Variants in CACNA1E observed in about 807,000 individuals in gnomAD.
The protein encoded by CACNA1E is voltage-dependent R-type calcium channel subunit alpha-1E.
CACNA1E carries 40 observed loss-of-function variants against 259.2 expected under a neutral mutation model. The ratio of observed to expected loss-of-function variants is 0.15; its 90% CI spans 0.12 to 0.20. The LOEUF (loss-of-function observed/expected upper bound fraction) is 0.20. CACNA1E is among the 10% of genes least tolerant of loss of function. CACNA1E has a pLI of 1.00. For synonymous variants in CACNA1E, 1,104 were observed against 1,138.5 expected (o/e 0.97, Z 0.61); for missense variants, 1,874 against 3,040.1 (o/e 0.62, Z 9.02).
chr1:181,354,058 C>A (rs192537919), intron 1 of CACNA1E, among the ~76,000 whole-genome samples: 3 of 151,830 alleles, frequency 2.0e-5, no homozygotes, highest in Non-Finnish European at 4.4e-5. Context: ...CTGGGACACA[C>A]AAATTGGAAT....
At chr1:181,574,888 G>C (rs1358349973) in intron 3 of CACNA1E, among the ~76,000 whole-genome samples, 1 of 152,090 alleles carries the variant, frequency 6.6e-6, no homozygotes, top group East Asian at 1.9e-4. Context: ...AGCCAGGTTT[G>C]GTGGCATATG....
upstream of CACNA1E, among the ~76,000 whole-genome samples, chr1:181,481,140 C>G (rs910494850): frequency 2.6e-5 from 4 of 152,262 alleles, no homozygotes; most frequent in Non-Finnish European, 4.4e-5. Flanking sequence ...GAAGAGGACC[C>G]TCTGATTAAA....
At chr1:181,775,360 G>A (rs766920962) in intron 37 of CACNA1E, among the ~76,000 whole-genome samples, 3 of 152,148 alleles carry the variant, frequency 2.0e-5, no homozygotes, top group South Asian at 2.1e-4. Flanking sequence ...AAGTCCTGTC[G>A]ATTCCACCTT....
rs969250381 is a variant in CACNA1E at position 181,805,027 on chromosome 1, G to A, written c.*6193G>A. 1 of 150,978 alleles carries A rather than the reference G, an allele frequency of 6.6e-6. No homozygotes were observed. Among genetic ancestry groups the A allele is most frequent in the African/African-American group, 2.4e-5 (1 of 41,046 alleles). The allele number at this position is 150,978 out of a possible 1,614,324, so 9.4% of individuals were successfully genotyped here. On this transcript the variant is annotated 3_prime_UTR_variant, in exon 48 of 48. Transcript: ENST00000367573. ...CTTCTCTTTGTGCAAACTTAAACCA[G>A]TCATAGATTGTCACCCAGACATATT...
intron 1 of CACNA1E, among the ~76,000 whole-genome samples, chr1:181,333,651 C>T (rs1303125655): frequency 6.6e-6 from 1 of 151,968 alleles, no homozygotes; most frequent in Non-Finnish European, 1.5e-5. Context: ...TTCTTCATTT[C>T]TTTTTCTTTC....
At chr1:181,401,744 G>T (rs750603674) in intron 1 of CACNA1E, among the ~76,000 whole-genome samples, 49 of 152,174 alleles carry the variant, frequency 3.2e-4, no homozygotes, top group Admixed American at 6.5e-4. Context: ...GAAACATCAG[G>T]CTAAAATGCT....
At chr1:181,759,819 A>G (rs1444319375) in intron 32 of CACNA1E, among the ~76,000 whole-genome samples, 1 of 152,182 alleles carries the variant, frequency 6.6e-6, no homozygotes, top group Non-Finnish European at 1.5e-5. Flanking sequence ...AGCAGCTTTA[A>G]CAGAGACTCT....
intron 32 of CACNA1E, among the ~76,000 whole-genome samples, chr1:181,759,388 G>GGT (rs1020524831): frequency 4.9e-5 from 6 of 122,740 alleles, no homozygotes; most frequent in South Asian, 3.3e-4. Context: ...ACCTTTAAGG[G>GGT]GTGTGTCTGT....
chr1:181,513,750 C>T (rs760224658), intron 3 of CACNA1E, among the ~76,000 whole-genome samples: 3 of 152,278 alleles, frequency 2.0e-5, no homozygotes, highest in Middle Eastern at 3.4e-3. Flanking sequence ...CTTTTGTCAG[C>T]GAAGCCAAGA....
At chr1:181,658,968 C>T (rs189053126) in intron 7 of CACNA1E, among the ~76,000 whole-genome samples, 117 of 152,018 alleles carry the variant, frequency 7.7e-4, no homozygotes, top group Non-Finnish European at 4.7e-4. Flanking sequence ...GGTTGTCTCT[C>T]ACATGCCTTT....
chr1:181,680,807 C>T (rs1053319702), intron 7 of CACNA1E, among the ~76,000 whole-genome samples: 3 of 152,162 alleles, frequency 2.0e-5, no homozygotes, highest in Non-Finnish European at 4.4e-5. Flanking sequence ...CCCTAGATTT[C>T]TCATTTCTCA....
intron 34 of CACNA1E, 75 bp downstream of exon 34, chr1:181,763,606 C>T (rs2102724221): frequency 2.5e-6 from 3 of 1,215,600 alleles, no homozygotes; most frequent in East Asian, 5.0e-5. Flanking sequence ...GGCATCATTA[C>T]CCAAGTCCCT....
At chr1:181,705,973 T>C (rs1334017125) in intron 7 of CACNA1E, among the ~76,000 whole-genome samples, 1 of 151,912 alleles carries the variant, frequency 6.6e-6, no homozygotes, top group Admixed American at 6.6e-5. Flanking sequence ...TTCCCCTTGT[T>C]TGGAATTCTG....
intron 6 of CACNA1E, among the ~76,000 whole-genome samples, chr1:181,582,494 C>G (rs1448616686): frequency 6.6e-6 from 1 of 152,048 alleles, no homozygotes; most frequent in Non-Finnish European, 1.5e-5. Context: ...GTAGACTCAC[C>G]TAAGTGATGT....
intron 6 of CACNA1E, among the ~76,000 whole-genome samples, chr1:181,648,456 C>G (rs1030174411): frequency 1.3e-5 from 2 of 152,152 alleles, no homozygotes; most frequent in African/African-American, 4.8e-5. Flanking sequence ...CGATGTGTTA[C>G]TAGATTTTCT....
At chr1:181,513,871 A>T (rs924711102) in intron 3 of CACNA1E, among the ~76,000 whole-genome samples, 2 of 152,112 alleles carry the variant, frequency 1.3e-5, no homozygotes, top group Non-Finnish European at 2.9e-5. Flanking sequence ...CATCCCTCAC[A>T]TCTTCCCTTC....
chr1:181,724,900 C>T (rs1219972231), intron 17 of CACNA1E, among the ~76,000 whole-genome samples: 1 of 152,208 alleles, frequency 6.6e-6, no homozygotes, highest in African/African-American at 2.4e-5. Flanking sequence ...TGACCTGAAT[C>T]ACATGACTTA....
chr1:181,712,061 A>G (rs931454106), intron 8 of CACNA1E, among the ~76,000 whole-genome samples: 3 of 152,190 alleles, frequency 2.0e-5, no homozygotes, highest in Non-Finnish European at 2.9e-5. Flanking sequence ...AGCTGTCATC[A>G]GTTCTTACCC....
intron 1 of CACNA1E, among the ~76,000 whole-genome samples, chr1:181,336,439 C>T (rs754525451): frequency 2.6e-5 from 4 of 152,284 alleles, no homozygotes; most frequent in African/African-American, 9.6e-5. Flanking sequence ...AGTACCTTGT[C>T]TCAGGTGACA....
Sources: allele counts gnomAD v4.1 joint callset (sites outside exome capture counted in the v4.1 genomes callset), GRCh38; gene constraint gnomAD v4.1.1; transcripts MANE v1.5; gene names NCBI Gene and HGNC (gene_info 2026-07-23, HGNC 2026-07-21).